Variants in CCDC150 observed in about 807,000 individuals in gnomAD.
CCDC150 encodes coiled-coil domain-containing protein 150.
CCDC150 carries 151 observed loss-of-function variants against 156.5 expected under a neutral mutation model. That is an observed-to-expected ratio of 0.97 (90% CI 0.85 to 1.10). The LOEUF is 1.10. Among genes scored for constraint, CCDC150 ranks in the 50% least tolerant of loss-of-function variants. The probability of loss-of-function intolerance (pLI) is 0.00; values close to 1 mark genes in which losing one functional copy is unlikely to be tolerated. For synonymous variants in CCDC150, 452 were observed against 429.4 expected (o/e 1.05, Z -0.65); for missense variants, 1,312 against 1,268.1 (o/e 1.03, Z -0.53).
rs926915570 is a variant in CCDC150, at chr2:196,720,767, T to G, written c.2259+99T>G. The stretch of plus-strand genomic sequence containing the variant: ...ATGAAGTGAAACTATCAGGTAAATG[T>G]TTTTTTCAATCAAGTCTGAGTTTTG... On this transcript the variant is annotated intron_variant, in intron 20 of 27. Coordinates refer to ENST00000389175, the MANE Select transcript of CCDC150 (RefSeq NM_001080539.2). The G allele has an allele frequency of 2.9e-6, 3 of 1,048,154 alleles. No homozygotes were observed. In the Admixed American group the frequency reaches 7.3e-5, roughly 25 times the overall value. The allele number at this position is 1,048,154 out of a possible 1,614,324, so 64.9% of individuals were successfully genotyped here. A position where few individuals can be genotyped will look rare whatever the true frequency, so the allele number is the denominator to read the frequency against.
chr2:196,668,574 A>G (rs556004042), intron 7 of CCDC150, among the ~76,000 whole-genome samples: 41 of 152,326 alleles, frequency 2.7e-4, no homozygotes, highest in African/African-American at 9.9e-4. Context: ...GGTGCATAAT[A>G]TTGAATTATA....
intron 1 of CCDC150, among the ~76,000 whole-genome samples, chr2:196,642,419 G>C (rs1692282497): frequency 6.6e-6 from 1 of 152,228 alleles, no homozygotes; most frequent in Admixed American, 6.5e-5. Context: ...GGGCCTACCA[G>C]ATGGGGAGGA....
chr2:196,672,434 A>T lies in CCDC150; in HGVS notation c.1026A>T (p.Ala342=), dbSNP rs760430849. 1 of 1,483,816 alleles carries T rather than the reference A, an allele frequency of 6.7e-7. No homozygotes were observed. 91.9% of individuals were successfully genotyped at this position (1,483,816 alleles called of 1,614,324 possible). ...CTCTTCATGAAGCATCAGAAAAAGCACAAGTAAATGCTCATGATTTTGTTA... is the reference window on the plus strand; with the variant it reads ...CTCTTCATGAAGCATCAGAAAAAGCTCAAGTAAATGCTCATGATTTTGTTA... The part of the protein sequence containing the change: ...IMSLHEASEK[A]QVLNDQLTKK... The change falls in exon 9 of 28, where the codon GCA becomes GCT. Residue 342 remains alanine, a synonymous_variant. Coordinates refer to ENST00000389175, the MANE Select transcript of CCDC150 (RefSeq NM_001080539.2).
In CCDC150 at chr2:196,725,873, A is replaced by G; in HGVS notation, c.2430-100A>G. 1.2e-5 allele frequency: 13 copies of G among 1,126,606 alleles called. No individual in the cohort carries two copies. The South Asian group carries it at 2.3e-4, about 20-fold the overall frequency. The allele number at this position is 1,126,606 out of a possible 1,614,324, so 69.8% of individuals were successfully genotyped here. A position where few individuals can be genotyped will look rare whatever the true frequency, so the allele number is the denominator to read the frequency against. On this transcript the variant is annotated intron_variant, in intron 21 of 27. Coordinates refer to ENST00000389175, the MANE Select transcript of CCDC150 (RefSeq NM_001080539.2). ...CTACTGATAGGCTGCTTGTTTATAA[A>G]TCACACACCTTTTGGAGAGTTGCAC...
At chr2:196,701,228 C>A in intron 15 of CCDC150, 48 bp downstream of exon 15, 1 of 1,233,142 alleles carries the variant, frequency 8.1e-7, no homozygotes, top group African/African-American at 1.5e-5. Flanking sequence ...TTAAAAATAC[C>A]AATTATCAAA....
intron 2 of CCDC150, among the ~76,000 whole-genome samples, chr2:196,653,855 A>G (rs928639031): frequency 2.0e-5 from 3 of 152,196 alleles, no homozygotes; most frequent in Admixed American, 2.0e-4. Flanking sequence ...TATAAAGAAA[A>G]GACAAATATT....
chr2:196,704,426 TTCTC>T (rs1696451816), intron 15 of CCDC150, among the ~76,000 whole-genome samples: 1 of 152,168 alleles, frequency 6.6e-6, no homozygotes, highest in South Asian at 2.1e-4. Context: ...ATACAGAAGA[TTCTC>T]TCAGCTAAAT....
At chr2:196,672,617 C>G (rs559055911) in intron 9 of CCDC150, among the ~76,000 whole-genome samples, 180 bp downstream of exon 9, 2 of 152,104 alleles carry the variant, frequency 1.3e-5, no homozygotes, top group Non-Finnish European at 2.9e-5. Context: ...TTTCTCATTT[C>G]GCTCTCCAAA....
At chr2:196,672,483 G>T in intron 9 of CCDC150, 46 bp downstream of exon 9, 1 of 1,085,936 alleles carries the variant, frequency 9.2e-7, no homozygotes. Flanking sequence ...ATTTAATTTT[G>T]TTCAATTAAA....
chr2:196,691,670 C>T (rs951927236), intron 13 of CCDC150, among the ~76,000 whole-genome samples: 17 of 151,790 alleles, frequency 1.1e-4, no homozygotes, highest in Admixed American at 2.0e-4. Context: ...GGGCTGGACA[C>T]GGTGGCTCAC....
intron 22 of CCDC150, chr2:196,726,634 A>G (rs1167658416): frequency 1.3e-5 from 2 of 154,612 alleles, no homozygotes; most frequent in Non-Finnish European, 2.9e-5. Context: ...CATTTGGTTG[A>G]TAGAAGAAGA....
rs775225511 is a variant in CCDC150 at position 196,721,670 on chromosome 2, GA to G, written c.2409del (p.Gln804ArgfsTer10). On this transcript the variant is annotated frameshift_variant, in exon 21 of 28. Transcript: ENST00000389175. LOFTEE classifies it high-confidence loss of function. ...QEQLESKELE[R>X]QNLETFKDRM... The stretch of plus-strand genomic sequence containing the variant: ...CAATTGGAAAGCAAAGAACTTGAGC[GA>G]CAGAATTTGGAAACCTTCAAGTAAG... The G allele has an allele frequency of 6.3e-7, 1 of 1,598,356 alleles. No homozygotes were observed. Among genetic ancestry groups the G allele is most frequent in the Admixed American group, 1.7e-5 (1 of 57,356 alleles).
chr2:196,659,760 G>C (rs1693445513), intron 5 of CCDC150, among the ~76,000 whole-genome samples: 1 of 152,036 alleles, frequency 6.6e-6, no homozygotes, highest in Non-Finnish European at 1.5e-5. Context: ...CACTCCTGCA[G>C]TTTCACTATT....
Position 196,666,641 on chromosome 2 carries a change from G to A in CCDC150, c.763-78G>A. On this transcript the variant is annotated intron_variant, in intron 6 of 27. Coordinates refer to ENST00000389175, the MANE Select transcript of CCDC150 (RefSeq NM_001080539.2). ...TCAGTGACATTAAGGTTGGAATGTT[G>A]CCTTATACATGTGCTATAAGGCAGC... 16 of 1,213,648 alleles carry A rather than the reference G, an allele frequency of 1.3e-5. No homozygotes were observed. The South Asian group carries it at 1.7e-4, about 13-fold the overall frequency. 75.2% of individuals were successfully genotyped at this position (1,213,648 alleles called of 1,614,324 possible). A position where few individuals can be genotyped will look rare whatever the true frequency, so the allele number is the denominator to read the frequency against.
At chr2:196,705,585 G>T (rs1263684307) in intron 15 of CCDC150, among the ~76,000 whole-genome samples, 3 of 152,152 alleles carry the variant, frequency 2.0e-5, no homozygotes, top group African/African-American at 7.2e-5. Context: ...TTTGGCTTTT[G>T]TTGCCATTGC....
At chr2:196,691,648 A>T (rs1358348284) in intron 13 of CCDC150, among the ~76,000 whole-genome samples, 5 of 148,310 alleles carry the variant, frequency 3.4e-5, no homozygotes, top group South Asian at 2.1e-4. Context: ...TTTTTTTTTT[A>T]AAACAGCTCC....
intron 13 of CCDC150, among the ~76,000 whole-genome samples, chr2:196,688,268 C>T (rs1296288921): frequency 6.6e-6 from 1 of 152,096 alleles, no homozygotes; most frequent in Non-Finnish European, 1.5e-5. Flanking sequence ...AATGTCATCT[C>T]TCATTTCTTT....
chr2:196,680,499 G>A (rs1694754375), intron 13 of CCDC150, among the ~76,000 whole-genome samples: 1 of 151,948 alleles, frequency 6.6e-6, no homozygotes. Flanking sequence ...ACGGAGTTTT[G>A]TTATGTTGCC....
At chr2:196,658,122 T>C (rs548128243) in intron 4 of CCDC150, among the ~76,000 whole-genome samples, 168 of 152,198 alleles carry the variant, frequency 1.1e-3, no homozygotes, top group African/African-American at 3.7e-3. Context: ...AGCAGTATTA[T>C]AGGGTATTGA....
Sources: gnomAD v4.1 joint callset for allele counts (sites outside exome capture counted in the v4.1 genomes callset) on GRCh38, gnomAD v4.1.1 for gene constraint, MANE v1.5 for transcripts, NCBI Gene and HGNC (gene_info 2026-07-23, HGNC 2026-07-21) for gene names.